The following GLIS3 variants were observed in gnomAD, a reference collection of about 807,000 sequenced individuals.
GLIS3 encodes zinc finger protein GLIS3.
In GLIS3, 53 loss-of-function variants were observed where a neutral mutation model predicts 78.6. The observed-to-expected ratio is 0.67, with a 90% CI of 0.54 to 0.85. The LOEUF (loss-of-function observed/expected upper bound fraction) is 0.85. GLIS3 is among the 40% of genes least tolerant of loss of function. GLIS3 has a pLI of 0.00. For missense variants in GLIS3, 1,703 were observed against 1,231.1 expected, an observed-to-expected ratio of 1.38 and a Z score of -5.74; for synonymous variants, 684 against 509.9, an observed-to-expected ratio of 1.34 and a Z score of -4.60.
At chr9:4,157,478 G>A (rs1418201504) in intron 2 of GLIS3, among the ~76,000 whole-genome samples, 1 of 152,162 alleles carries the variant, frequency 6.6e-6, no homozygotes, top group Admixed American at 6.5e-5. Flanking sequence ...TTGGGGTGGG[G>A]AGCAGAGAGG....
chr9:4,229,619 A>C lies in GLIS3; in HGVS notation c.388+56419T>G, dbSNP rs554705347. Among the ~76,000 whole-genome samples the C allele has an allele frequency of 4.6e-5, 7 of 152,372 alleles. No individual in the cohort carries two copies. In the East Asian group the frequency reaches 1.3e-3, roughly 29 times the overall value. On this transcript the variant is annotated intron_variant, in intron 2 of 10. Coordinates refer to ENST00000381971, the MANE Select transcript of GLIS3 (RefSeq NM_001042413.2). ...CTCTGGATTTATTAAGATGAAGAAA[A>C]AAATATTTCCAGTTTTATTAACATT...
chr9:3,911,434 T>C (rs1424301732), intron 6 of GLIS3, among the ~76,000 whole-genome samples: 1 of 152,210 alleles, frequency 6.6e-6, no homozygotes, highest in Non-Finnish European at 1.5e-5. Flanking sequence ...CTGGCTACCA[T>C]GTACCCTTCT....
chr9:4,298,051 C>G (rs967270349), intron 1 of GLIS3, among the ~76,000 whole-genome samples: 1 of 152,242 alleles, frequency 6.6e-6, no homozygotes, highest in Non-Finnish European at 1.5e-5. Context: ...CGCGAGCGAG[C>G]GAGGGAGCGA....
At chr9:4,050,625 T>A (rs1825685676) in intron 4 of GLIS3, among the ~76,000 whole-genome samples, 1 of 152,110 alleles carries the variant, frequency 6.6e-6, no homozygotes, top group African/African-American at 2.4e-5. Flanking sequence ...TTTAAAAAAA[T>A]CTTCCGAGGA....
At chr9:4,181,746 T>C (rs1377112890) in intron 2 of GLIS3, among the ~76,000 whole-genome samples, 2 of 152,200 alleles carry the variant, frequency 1.3e-5, no homozygotes, top group Admixed American at 6.5e-5. Flanking sequence ...CGCTTGAGCA[T>C]TGGAGCTTAT....
At chr9:4,405,483 G>A in the GLIS3 span, among the ~76,000 whole-genome samples, 1 of 152,084 alleles carries the variant, frequency 6.6e-6, no homozygotes, top group Non-Finnish European at 1.5e-5. Context: ...TAGAAGAAAT[G>A]GATAAATTCC....
intron 2 of GLIS3, among the ~76,000 whole-genome samples, chr9:4,320,130 G>T (rs1041649470): frequency 6.6e-6 from 1 of 151,826 alleles, no homozygotes; most frequent in African/African-American, 2.4e-5. Context: ...CTTCCCAATG[G>T]GCGTATCTGA....
At chr9:4,221,816 C>A (rs1587027340) in intron 2 of GLIS3, among the ~76,000 whole-genome samples, 2 of 152,196 alleles carry the variant, frequency 1.3e-5, no homozygotes, top group African/African-American at 4.8e-5. Flanking sequence ...AGACAAGAAC[C>A]TAAAAATCTT....
intron 2 of GLIS3, among the ~76,000 whole-genome samples, chr9:4,238,348 A>G (rs10114646): frequency 0.55 from 83,108 of 151,400 alleles, 23,482 homozygotes; most frequent in Non-Finnish European, 0.63. Context: ...TTTGGTGGAG[A>G]GGAAGAATAT....
chr9:4,141,132 A>G (rs1258300475), intron 2 of GLIS3, among the ~76,000 whole-genome samples: 1 of 152,058 alleles, frequency 6.6e-6, no homozygotes, highest in East Asian at 1.9e-4. Flanking sequence ...TTGTGTAGAA[A>G]TCTAAATTCA....
chr9:4,339,288 G>C (rs1817799689), intron 2 of GLIS3, among the ~76,000 whole-genome samples: 1 of 152,246 alleles, frequency 6.6e-6, no homozygotes, highest in Non-Finnish European at 1.5e-5. Context: ...GCTAAAGCCA[G>C]TGGGAGGGTG....
At chr9:4,187,559 G>A (rs1210757432) in intron 2 of GLIS3, among the ~76,000 whole-genome samples, 1 of 152,158 alleles carries the variant, frequency 6.6e-6, no homozygotes, top group African/African-American at 2.4e-5. Context: ...TGATGGGGAT[G>A]GCATTGAATC....
At chr9:4,469,238 G>C in the GLIS3 span, among the ~76,000 whole-genome samples, 1 of 152,038 alleles carries the variant, frequency 6.6e-6, no homozygotes, top group Non-Finnish European at 1.5e-5. Flanking sequence ...GAGACAGAAA[G>C]TTAACAAGGA....
At chr9:4,005,839 GA>G (rs1180353763) in intron 4 of GLIS3, among the ~76,000 whole-genome samples, 3 of 152,138 alleles carry the variant, frequency 2.0e-5, no homozygotes, top group African/African-American at 7.2e-5. Flanking sequence ...AGAAGAGAAT[GA>G]AAAAACATTT....
At chr9:4,335,926 T>A (rs1387436664) in intron 2 of GLIS3, among the ~76,000 whole-genome samples, 2 of 152,144 alleles carry the variant, frequency 1.3e-5, no homozygotes, top group Non-Finnish European at 2.9e-5. Flanking sequence ...CAACCTAAGG[T>A]AAAAATTTGC....
chr9:4,463,600 T>C, the GLIS3 span, among the ~76,000 whole-genome samples: 5 of 152,240 alleles, frequency 3.3e-5, no homozygotes, highest in Non-Finnish European at 7.3e-5. Flanking sequence ...CCTAGAGATA[T>C]CTGCTGTTTT....
intron 2 of GLIS3, among the ~76,000 whole-genome samples, chr9:4,176,945 G>A (rs1320394400): frequency 6.6e-6 from 1 of 152,160 alleles, no homozygotes; most frequent in African/African-American, 2.4e-5. Context: ...ATTTCAAATG[G>A]TTTTTTCAGG....
the GLIS3 span, among the ~76,000 whole-genome samples, chr9:4,434,225 CAT>C: frequency 8.5e-5 from 13 of 152,088 alleles, no homozygotes; most frequent in African/African-American, 3.1e-4. Context: ...ATTTATTCCA[CAT>C]ATGTTTTATA....
Position 4,118,158 on chromosome 9 carries a change from G to C in GLIS3, c.1320C>G (p.Thr440=), listed in dbSNP as rs539722036. ...GCGGAGGCGCGGGGGGTAGGTCTAC[G>C]GTGCTGCCCGGGAACTCCTCCAGGC... The part of the protein sequence containing the change: ...TERLEEFPGS[T]VDLPPAPPLP... The change falls in exon 4 of 11, where the codon ACC becomes ACG. Residue 440 remains threonine, a synonymous_variant. Coordinates refer to ENST00000381971, the MANE Select transcript of GLIS3 (RefSeq NM_001042413.2). This position sits in a 1 kb window ranked among gnomAD's most constrained non-coding sequence, Gnocchi z 4.7. 9 of 1,562,048 alleles carry C rather than the reference G, an allele frequency of 5.8e-6. No individual in the cohort carries two copies. The highest frequency in any genetic ancestry group is 7.8e-6 in the Non-Finnish European group (9 of 1,153,904).
Sources: gnomAD v4.1 joint callset for allele counts (sites outside exome capture counted in the v4.1 genomes callset) on GRCh38, gnomAD v4.1.1 for gene constraint, Gnocchi (gnomAD v3.1) non-coding constraint, MANE v1.5 for transcripts, NCBI Gene and HGNC (gene_info 2026-07-23, HGNC 2026-07-21) for gene names.